The following PDCD10 variants were observed in gnomAD, a reference collection of about 807,000 sequenced individuals.
PDCD10 encodes the protein programmed cell death 10.
A neutral mutation model predicts 29.2 loss-of-function variants in PDCD10; 4 were observed. The observed-to-expected ratio is 0.14, with a 90% CI of 0.07 to 0.31. The LOEUF is 0.31. PDCD10 is among the 10% of genes least tolerant of loss of function. PDCD10 has a pLI of 1.00. For missense variants in PDCD10, 183 were observed against 257.9 expected (o/e 0.71, Z 1.99); for synonymous variants, 70 against 82.2 (o/e 0.85, Z 0.80).
At chr3:167,731,774 A>C (rs1210390408) in intron 2 of PDCD10, among the ~76,000 whole-genome samples, 1 of 152,230 alleles carries the variant, frequency 6.6e-6, no homozygotes, top group Non-Finnish European at 1.5e-5. Context: ...TGATGATGCC[A>C]CAAAGGAGTA....
At chr3:167,701,416 T>G (rs781504161) in intron 4 of PDCD10, among the ~76,000 whole-genome samples, 3 of 152,226 alleles carry the variant, frequency 2.0e-5, no homozygotes, top group Non-Finnish European at 4.4e-5. Context: ...TAGGCTGGTC[T>G]TGAACTTCTG....
chr3:167,727,623 TCCTTTAAAATC>T (rs1433367288), intron 2 of PDCD10, among the ~76,000 whole-genome samples: 1 of 152,224 alleles, frequency 6.6e-6, no homozygotes, highest in African/African-American at 2.4e-5. Flanking sequence ...ATTAAAGCTT[TCCTTTAAAATC>T]CCTTAGAAAT....
chr3:167,716,182 A>G (rs1339166766), intron 3 of PDCD10, among the ~76,000 whole-genome samples: 4 of 152,004 alleles, frequency 2.6e-5, no homozygotes, highest in African/African-American at 7.2e-5. Flanking sequence ...ACAAACTTCA[A>G]AAGTTCTCAT....
chr3:167,693,309 T>C (rs567840844), intron 6 of PDCD10, among the ~76,000 whole-genome samples: 2 of 152,216 alleles, frequency 1.3e-5, no homozygotes, highest in African/African-American at 4.8e-5. Context: ...TCTGAACATA[T>C]GTACTGCAAA....
At chr3:167,694,424 T>A (rs1343419023) in intron 6 of PDCD10, 3 of 161,296 alleles carry the variant, frequency 1.9e-5, no homozygotes, top group African/African-American at 7.2e-5. Context: ...TTTCTGCAGG[T>A]AAATCTTTAT....
intron 3 of PDCD10, among the ~76,000 whole-genome samples, chr3:167,712,035 G>A: frequency 6.6e-6 from 1 of 152,038 alleles, no homozygotes; most frequent in Non-Finnish European, 1.5e-5. Flanking sequence ...TGAAAGAAAA[G>A]GACATTCAGG....
intron 3 of PDCD10, among the ~76,000 whole-genome samples, chr3:167,718,000 T>G (rs1285012444): frequency 1.3e-5 from 2 of 151,932 alleles, no homozygotes; most frequent in Non-Finnish European, 2.9e-5. Flanking sequence ...ACCAGATAAA[T>G]AAAGAAAATT....
chr3:167,703,408 C>G (rs1489284875), intron 4 of PDCD10, among the ~76,000 whole-genome samples: 1 of 152,034 alleles, frequency 6.6e-6, no homozygotes, highest in Non-Finnish European at 1.5e-5. Flanking sequence ...AAGCTCTATT[C>G]TAACATACGT....
chr3:167,708,676 CAG>C (rs1722238701), intron 3 of PDCD10, among the ~76,000 whole-genome samples: 1 of 152,112 alleles, frequency 6.6e-6, no homozygotes, highest in Non-Finnish European at 1.5e-5. Context: ...TGAACTGTCA[CAG>C]AGAAAGATTT....
intron 3 of PDCD10, among the ~76,000 whole-genome samples, chr3:167,711,611 T>C (rs1413035383): frequency 1.3e-5 from 2 of 152,118 alleles, no homozygotes; most frequent in East Asian, 3.8e-4. Flanking sequence ...TTCAAAGTGA[T>C]AACAACAGAG....
intron 3 of PDCD10, among the ~76,000 whole-genome samples, chr3:167,708,066 C>T (rs1000668518): frequency 6.6e-6 from 1 of 152,144 alleles, no homozygotes; most frequent in Non-Finnish European, 1.5e-5. Context: ...CCTTCTGTAA[C>T]TTATTGTTGA....
chr3:167,716,177 C>T (rs1722990291), intron 3 of PDCD10, among the ~76,000 whole-genome samples: 1 of 151,874 alleles, frequency 6.6e-6, no homozygotes, highest in African/African-American at 2.4e-5. Flanking sequence ...GATAGACAAA[C>T]TTCAAAAGTT....
rs1720745026 is a variant in PDCD10, at chr3:167,695,816, G to C, written c.269-94C>G. On this transcript the variant is annotated intron_variant, in intron 5 of 8. Coordinates refer to ENST00000392750, the MANE Select transcript of PDCD10 (RefSeq NM_007217.4). ...TCCAATGTTGGTCAAAGGCAGGTGA[G>C]GGAGGTGAAAGGCCAGATAATTAGG... The C allele has an allele frequency of 2.3e-6, 3 of 1,306,128 alleles. No individual in the cohort carries two copies. The African/African-American group carries it at 4.4e-5, about 19-fold the overall frequency. The allele number at this position is 1,306,128 out of a possible 1,614,324, so 80.9% of individuals were successfully genotyped here.
intron 6 of PDCD10, among the ~76,000 whole-genome samples, chr3:167,690,920 T>C (rs1016985104): frequency 2.6e-5 from 4 of 152,218 alleles, no homozygotes; most frequent in African/African-American, 9.6e-5. Context: ...GGTCTGCTAA[T>C]ATATTCAAAA....
At chr3:167,730,813 T>G (rs1027070895) in intron 2 of PDCD10, 9 of 152,174 alleles carry the variant, frequency 5.9e-5, no homozygotes, top group Admixed American at 2.0e-4. Context: ...TGCTTAAGTC[T>G]CCAGCTATAA....
chr3:167,684,202 T>A lies in PDCD10; in HGVS notation c.*106A>T. 1 of 714,834 alleles carries A rather than the reference T, an allele frequency of 1.4e-6. No homozygotes were observed. 44.3% of individuals were successfully genotyped at this position (714,834 alleles called of 1,614,324 possible). A position where few individuals can be genotyped will look rare whatever the true frequency, so the allele number is the denominator to read the frequency against. The stretch of plus-strand genomic sequence containing the variant: ...ATCCCATTCAACATCCTGGATTAGA[T>A]CCCTTCAGGAGGGACTGATAATTTA... On this transcript the variant is annotated 3_prime_UTR_variant, in exon 9 of 9. Coordinates refer to ENST00000392750, the MANE Select transcript of PDCD10 (RefSeq NM_007217.4).
intron 4 of PDCD10, among the ~76,000 whole-genome samples, chr3:167,700,594 C>T (rs1721301368): frequency 1.3e-5 from 2 of 152,206 alleles, no homozygotes; most frequent in South Asian, 4.1e-4. Context: ...GTTGAAAATG[C>T]AGCTTTTATG....
chr3:167,726,329 C>T (rs1724176905), intron 2 of PDCD10, among the ~76,000 whole-genome samples: 1 of 151,956 alleles, frequency 6.6e-6, no homozygotes, highest in African/African-American at 2.4e-5. Flanking sequence ...AAACTCCTGA[C>T]CTCAGGTGAT....
In PDCD10 at chr3:167,687,710, A is replaced by G; in HGVS notation, c.396-17T>C. The stretch of plus-strand genomic sequence containing the variant: ...GCTATATCCCTGTTGGGAAAAGAAT[A>G]AAGAATATCAGCTACATTTGAAAGA... On this transcript the variant is annotated splice_polypyrimidine_tract_variant and intron_variant, in intron 6 of 8. Coordinates refer to ENST00000392750, the MANE Select transcript of PDCD10 (RefSeq NM_007217.4). The G allele has an allele frequency of 7.6e-7, 1 of 1,319,196 alleles. No homozygotes were observed. The highest frequency in any genetic ancestry group is 1.1e-6 in the Non-Finnish European group (1 of 911,714). The allele number at this position is 1,319,196 out of a possible 1,614,324, so 81.7% of individuals were successfully genotyped here. A position where few individuals can be genotyped will look rare whatever the true frequency, so the allele number is the denominator to read the frequency against.
Sources: gnomAD v4.1 joint callset for allele counts (sites outside exome capture counted in the v4.1 genomes callset) on GRCh38, gnomAD v4.1.1 for gene constraint, MANE v1.5 for transcripts, NCBI Gene and HGNC (gene_info 2026-07-23, HGNC 2026-07-21) for gene names.